The following ATP8A2 variants were observed in gnomAD, a reference collection of about 807,000 sequenced individuals.
ATP8A2 encodes ATPase phospholipid transporting 8A2.
In ATP8A2, 100 loss-of-function variants were observed where a neutral mutation model predicts 165.6. The ratio of observed to expected loss-of-function variants is 0.60; its 90% CI spans 0.51 to 0.71. The LOEUF is 0.71. Among genes scored for constraint, ATP8A2 ranks in the 30% least tolerant of loss-of-function variants. The pLI, the probability that ATP8A2 is intolerant of heterozygous loss-of-function variation, is 0.00. For missense variants in ATP8A2, 1,227 were observed against 1,479.5 expected, an observed-to-expected ratio of 0.83 and a Z score of 2.80; for synonymous variants, 543 against 548.8, an observed-to-expected ratio of 0.99 and a Z score of 0.15.
rs564195975 is a variant in ATP8A2 at position 25,691,975 on chromosome 13, A to T, written c.2212-7198A>T. ...TTAGTGCTGTCAAGAAAGAGGTGTG[A>T]TTATGTTGGAAATGAACATGATAGT... On this transcript the variant is annotated intron_variant, in intron 24 of 36. Coordinates refer to ENST00000381655, the MANE Select transcript of ATP8A2 (RefSeq NM_016529.6). 2.6e-5 allele frequency among the ~76,000 whole-genome samples: 4 copies of T among 152,222 alleles called. No homozygotes were observed. In the South Asian group the frequency reaches 8.3e-4, roughly 31 times the overall value.
At chr13:25,529,927 C>A in intron 2 of ATP8A2, 72 bp from the exon 3 acceptor site, 1 of 847,132 alleles carries the variant, frequency 1.2e-6, no homozygotes, top group Non-Finnish European at 1.9e-6. Flanking sequence ...ACTTTCTAAA[C>A]TTCTTGTCCT....
At chr13:25,424,822 G>A (rs1208778090) in intron 1 of ATP8A2, among the ~76,000 whole-genome samples, 1 of 152,142 alleles carries the variant, frequency 6.6e-6, no homozygotes, top group Non-Finnish European at 1.5e-5. Context: ...GCTAGATGTG[G>A]TGGTGGGCGC....
At chr13:25,742,402 C>A (rs1193935807) in intron 25 of ATP8A2, among the ~76,000 whole-genome samples, 1 of 151,532 alleles carries the variant, frequency 6.6e-6, no homozygotes, top group East Asian at 1.9e-4. Context: ...AGGCAAAGAC[C>A]ATGTGTCTCA....
In ATP8A2 at chr13:25,594,299, T is replaced by G. The variant is rs989077740; in HGVS notation, c.2211+4600T>G. Among the ~76,000 whole-genome samples, 3 of 152,226 alleles carry G rather than the reference T, an allele frequency of 2.0e-5. No individual in the cohort carries two copies. The East Asian group carries it at 5.8e-4, about 29-fold the overall frequency. On this transcript the variant is annotated intron_variant, in intron 24 of 36. Coordinates refer to ENST00000381655, the MANE Select transcript of ATP8A2 (RefSeq NM_016529.6). ...TAAAGGACAAAAAGTGCTGAGTTAC[T>G]TGGAGAGCATTTGGTTTTCCTGCTG...
chr13:25,579,759 G>A (rs1295408342), intron 21 of ATP8A2, 49 bp from the exon 22 acceptor site: 1 of 1,603,328 alleles, frequency 6.2e-7, no homozygotes, highest in South Asian at 1.1e-5. Context: ...CTGTCCCCTA[G>A]GAGGTCACGC....
At chr13:25,685,896 T>G (rs1348099645) in intron 24 of ATP8A2, among the ~76,000 whole-genome samples, 1 of 152,110 alleles carries the variant, frequency 6.6e-6, no homozygotes, top group African/African-American at 2.4e-5. Flanking sequence ...GCTCTGATGG[T>G]CCAGGTGAGG....
At chr13:25,413,252 AC>A (rs1299970418) in intron 1 of ATP8A2, among the ~76,000 whole-genome samples, 1 of 145,468 alleles carries the variant, frequency 6.9e-6, no homozygotes, top group Non-Finnish European at 1.5e-5. Context: ...TTGTAGTCAG[AC>A]TTTTTTTTCT....
rs150904277 is a variant in ATP8A2, at chr13:25,372,881, G to GCA, written c.76+606_76+607dup. On this transcript the variant is annotated intron_variant, in intron 1 of 36. Coordinates refer to ENST00000381655, the MANE Select transcript of ATP8A2 (RefSeq NM_016529.6). This position sits in a 1 kb window ranked among gnomAD's most constrained non-coding sequence, Gnocchi z 4.8. ...CGAACACACACACGCACACGCGCGC[G>GCA]CACACACACACACAGGTACACACAC... 7.9e-5 allele frequency among the ~76,000 whole-genome samples: 12 copies of GCA among 151,584 alleles called. No homozygotes were observed. The highest frequency in any genetic ancestry group is 5.8e-4 in the East Asian group (3 of 5,134).
intron 10 of ATP8A2, among the ~76,000 whole-genome samples, chr13:25,548,219 C>T (rs2038712683): frequency 6.6e-6 from 1 of 151,996 alleles, no homozygotes; most frequent in Non-Finnish European, 1.5e-5. Context: ...GAGTAAGACT[C>T]TGTCTCCAAA....
At chr13:25,405,725 G>A (rs2033781237) in intron 1 of ATP8A2, among the ~76,000 whole-genome samples, 1 of 152,166 alleles carries the variant, frequency 6.6e-6, no homozygotes, top group Non-Finnish European at 1.5e-5. Context: ...TAGATATCAT[G>A]TATTAGAAAC....
At chr13:25,551,120 T>A (rs918508589) in intron 10 of ATP8A2, among the ~76,000 whole-genome samples, 1 of 152,246 alleles carries the variant, frequency 6.6e-6, no homozygotes, top group African/African-American at 2.4e-5. Flanking sequence ...TGTTGGAATG[T>A]GTTCTTTAAA....
In ATP8A2 at chr13:25,914,407, T is replaced by C. The variant is rs183910173; in HGVS notation, c.3184-47168T>C. Among the ~76,000 whole-genome samples the C allele has an allele frequency of 4.6e-5, 7 of 152,354 alleles. No homozygotes were observed. In the East Asian group the frequency reaches 9.6e-4, roughly 21 times the overall value. On this transcript the variant is annotated intron_variant, in intron 33 of 36. Coordinates refer to ENST00000381655, the MANE Select transcript of ATP8A2 (RefSeq NM_016529.6). ...ACACCTGTGTGTTTACTTGGCCACC[T>C]AAACATCAACATACTTGAAAATAAA...
At chr13:25,725,867 C>A (rs2043482723) in intron 25 of ATP8A2, among the ~76,000 whole-genome samples, 1 of 152,146 alleles carries the variant, frequency 6.6e-6, no homozygotes. Flanking sequence ...GTGGCAGAAA[C>A]ACTCCTACCA....
At chr13:25,555,196 G>A (rs2038944985) in intron 13 of ATP8A2, 128 bp downstream of exon 13, 1 of 660,868 alleles carries the variant, frequency 1.5e-6, no homozygotes, top group South Asian at 1.8e-5. Flanking sequence ...CATCTGAAGA[G>A]CTATATAATA....
rs190695850 is a variant in ATP8A2, at chr13:25,654,954, T to C, written c.2212-44219T>C. ...AAATTGGTACTCATCCAGGGTTATGTTAACTGCCCAGTGTACCGAAGGGTG... is the reference window on the plus strand; with the variant it reads ...AAATTGGTACTCATCCAGGGTTATGCTAACTGCCCAGTGTACCGAAGGGTG... On this transcript the variant is annotated intron_variant, in intron 24 of 36. Coordinates refer to ENST00000381655, the MANE Select transcript of ATP8A2 (RefSeq NM_016529.6). Among the ~76,000 whole-genome samples, 435 of 152,286 alleles carry C rather than the reference T, an allele frequency of 2.9e-3. 4 individuals carry two copies. Among genetic ancestry groups the C allele is most frequent in the African/African-American group, 0.01 (419 of 41,558 alleles).
intron 33 of ATP8A2, among the ~76,000 whole-genome samples, chr13:25,865,686 G>A (rs1952489214): frequency 6.6e-6 from 1 of 152,198 alleles, no homozygotes; most frequent in Admixed American, 6.5e-5. Flanking sequence ...GACATGGTAT[G>A]TGAAACCCAG....
chr13:25,617,938 G>A (rs1356295083), intron 24 of ATP8A2, among the ~76,000 whole-genome samples: 2 of 152,078 alleles, frequency 1.3e-5, no homozygotes, highest in African/African-American at 4.8e-5. Context: ...CAACATAGAA[G>A]CATTTTATAT....
chr13:25,435,937 G>GTGTGTGTGTGAGTGTGTGTA (rs1566131357), intron 1 of ATP8A2, among the ~76,000 whole-genome samples: 1 of 144,168 alleles, frequency 6.9e-6, no homozygotes, highest in Admixed American at 7.1e-5. Context: ...GTGTGAGTGT[G>GTGTGTGTGTGAGTGTGTGTA]TGTGTGTGTG....
chr13:25,783,819 C>G (rs1214711806), intron 27 of ATP8A2, among the ~76,000 whole-genome samples: 1 of 152,106 alleles, frequency 6.6e-6, no homozygotes, highest in East Asian at 1.9e-4. Context: ...AGAAGAAATG[C>G]ATTATGCTGC....
Sources: allele counts gnomAD v4.1 joint callset (sites outside exome capture counted in the v4.1 genomes callset), GRCh38; gene constraint gnomAD v4.1.1; non-coding constraint Gnocchi (gnomAD v3.1); transcripts MANE v1.5; gene names NCBI Gene and HGNC (gene_info 2026-07-23, HGNC 2026-07-21).